Variants in ACOT12 observed in about 807,000 individuals in gnomAD.
ACOT12 encodes acyl-CoA thioesterase 12.
In ACOT12, 51 loss-of-function variants were observed where a neutral mutation model predicts 67.7. The observed-to-expected ratio is 0.75, with a 90% confidence interval of 0.60 to 0.95. The LOEUF (loss-of-function observed/expected upper bound fraction) is 0.95, where lower values mean the gene tolerates loss of function less well. Ranked by LOEUF, ACOT12 falls within the 40% of genes least tolerant of loss-of-function variation. The pLI is 0.00. For synonymous variants in ACOT12, 251 were observed against 244.6 expected, an observed-to-expected ratio of 1.03 and a Z score of -0.24; for missense variants, 734 against 708.1, an observed-to-expected ratio of 1.04 and a Z score of -0.41.
At chr5:81,387,858 TG>T (rs1760772186) in intron 1 of ACOT12, among the ~76,000 whole-genome samples, 1 of 152,220 alleles carries the variant, frequency 6.6e-6, no homozygotes, top group African/African-American at 2.4e-5. Flanking sequence ...TTATCAATTT[TG>T]AATGACTTAA....
rs1466664577 is a variant in ACOT12, at chr5:81,335,753, T to G, written c.1262+15A>C. ...GTCAAGGTTGATTGAGAAAAATTTTTAAATTTGTTCTTACACAAAATGGGG... is the reference window on the plus strand; with the variant it reads ...GTCAAGGTTGATTGAGAAAAATTTTGAAATTTGTTCTTACACAAAATGGGG... On this transcript the variant is annotated intron_variant, in intron 12 of 14. Transcript: ENST00000307624. 8 of 1,601,114 alleles carry G rather than the reference T, an allele frequency of 5.0e-6. No individual in the cohort carries two copies. Among genetic ancestry groups the G allele is most frequent in the Non-Finnish European group, 6.8e-6 (8 of 1,176,176 alleles).
chr5:81,391,673 A>G (rs1298821572), intron 1 of ACOT12, among the ~76,000 whole-genome samples: 1 of 152,186 alleles, frequency 6.6e-6, no homozygotes, highest in Non-Finnish European at 1.5e-5. Context: ...CAGTGTGGAG[A>G]GGAGACCAGA....
chr5:81,316,033 C>T, the ACOT12 span, among the ~76,000 whole-genome samples: 1 of 152,190 alleles, frequency 6.6e-6, no homozygotes. Flanking sequence ...GTACTTAGCA[C>T]ATAGTAGGCC....
At chr5:81,330,627 G>A in intron 14 of ACOT12, 84 bp from the exon 15 acceptor site, 1 of 1,528,986 alleles carries the variant, frequency 6.5e-7, no homozygotes, top group Non-Finnish European at 8.9e-7. Context: ...TGCTGGTGTA[G>A]GGGAGGCTAA....
At chr5:81,392,033 C>T (rs890434752) in intron 1 of ACOT12, among the ~76,000 whole-genome samples, 5 of 152,176 alleles carry the variant, frequency 3.3e-5, no homozygotes, top group Non-Finnish European at 5.9e-5. Flanking sequence ...ACTCAGATAG[C>T]TTCAAGACTT....
chr5:81,337,270 A>T (rs533064119), intron 11 of ACOT12, among the ~76,000 whole-genome samples: 1 of 152,236 alleles, frequency 6.6e-6, no homozygotes, highest in South Asian at 2.1e-4. Flanking sequence ...GGTGAACTCC[A>T]TAGTGCCAGT....
At chr5:81,380,808 CAG>C (rs1760560524) in intron 2 of ACOT12, among the ~76,000 whole-genome samples, 1 of 152,036 alleles carries the variant, frequency 6.6e-6, no homozygotes, top group East Asian at 1.9e-4. Flanking sequence ...AGTTTAATGA[CAG>C]GGGTGTGTTC....
chr5:81,373,386 C>T (rs1020740582), intron 2 of ACOT12, among the ~76,000 whole-genome samples: 1 of 152,208 alleles, frequency 6.6e-6, no homozygotes, highest in Non-Finnish European at 1.5e-5. Flanking sequence ...CCAGGAGATT[C>T]CCTCCGGTGC....
At chr5:81,351,365 T>C (rs10039986) in intron 5 of ACOT12, among the ~76,000 whole-genome samples, 61,499 of 152,104 alleles carry the variant, frequency 0.4, 12,677 homozygotes, top group African/African-American at 0.44. Flanking sequence ...GCTACAGAGT[T>C]GTAGTAAGCA....
the ACOT12 span, among the ~76,000 whole-genome samples, chr5:81,313,837 G>C: frequency 2.6e-5 from 4 of 152,288 alleles, no homozygotes; most frequent in African/African-American, 9.6e-5. Context: ...CAGTGTGAGA[G>C]GAAAACATGA....
the ACOT12 span, among the ~76,000 whole-genome samples, chr5:81,317,331 G>A: frequency 1.3e-5 from 2 of 151,938 alleles, no homozygotes; most frequent in East Asian, 1.9e-4. Flanking sequence ...GCGAAACCCC[G>A]ACTCTACTAA....
intron 11 of ACOT12, among the ~76,000 whole-genome samples, chr5:81,342,400 G>C (rs553509602): frequency 3.3e-5 from 5 of 152,324 alleles, no homozygotes; most frequent in East Asian, 1.9e-4. Flanking sequence ...TCTAGATCAG[G>C]TGGGATTTGG....
the ACOT12 span, chr5:81,311,297 C>T: frequency 2.5e-3 from 4,022 of 1,612,924 alleles, 74 homozygotes; most frequent in African/African-American, 0.047. Context: ...CTCTGGGCCT[C>T]TACTTAGAAG....
the ACOT12 span, chr5:81,311,149 T>G: frequency 3.9e-4 from 608 of 1,543,290 alleles, no homozygotes; most frequent in Non-Finnish European, 5.0e-4. Context: ...GAAAGTGCTT[T>G]GAGATGTTAA....
At chr5:81,350,308 G>A (rs1007924223) in intron 5 of ACOT12, among the ~76,000 whole-genome samples, 7 of 151,876 alleles carry the variant, frequency 4.6e-5, no homozygotes, top group South Asian at 4.2e-4. Flanking sequence ...TATAGAAATC[G>A]TCTTTGTTTC....
the ACOT12 span, chr5:81,312,415 A>G: frequency 1.5e-6 from 1 of 670,566 alleles, no homozygotes; most frequent in Non-Finnish European, 2.6e-6. Context: ...ACTTTCCTTT[A>G]GTGATGGAGT....
chr5:81,327,544 A>C (rs1170093023), downstream of ACOT12, among the ~76,000 whole-genome samples: 2 of 152,132 alleles, frequency 1.3e-5, no homozygotes, highest in African/African-American at 4.8e-5. Context: ...AGGTTCAAGC[A>C]ATTCTCCTGC....
In ACOT12 at chr5:81,330,356, A is replaced by G. The variant is rs1413639498; in HGVS notation, c.*38T>C. On this transcript the variant is annotated 3_prime_UTR_variant, in exon 15 of 15. Coordinates refer to ENST00000307624, the MANE Select transcript of ACOT12 (RefSeq NM_130767.3). The stretch of plus-strand genomic sequence containing the variant: ...AGGGCTAAGGGTGCTTGGAATTAAA[A>G]GTGGGAAATTAAATTACCAGTAATT... The G allele has an allele frequency of 6.3e-7, 1 of 1,595,772 alleles. No individual in the cohort carries two copies. Among genetic ancestry groups the G allele is most frequent in the Non-Finnish European group, 8.6e-7 (1 of 1,168,890 alleles).
downstream of ACOT12, among the ~76,000 whole-genome samples, chr5:81,327,671 C>T (rs992005540): frequency 6.6e-6 from 1 of 152,170 alleles, no homozygotes; most frequent in African/African-American, 2.4e-5. Context: ...GAACTCCTGA[C>T]CTCAGGTGAT....
Sources: allele counts gnomAD v4.1 joint callset (sites outside exome capture counted in the v4.1 genomes callset), GRCh38; gene constraint gnomAD v4.1.1; transcripts MANE v1.5; gene names NCBI Gene and HGNC (gene_info 2026-07-23, HGNC 2026-07-21).